Variants in SYNCRIP observed in about 807,000 individuals in gnomAD.
SYNCRIP encodes the protein heterogeneous nuclear ribonucleoprotein Q.
Under a neutral mutation model 68.9 loss-of-function variants are expected in SYNCRIP, and 9 were observed. The ratio of observed to expected loss-of-function variants is 0.13; its 90% CI spans 0.08 to 0.23. SYNCRIP has a LOEUF of 0.23. Ranked by LOEUF, SYNCRIP falls within the 10% of genes least tolerant of loss-of-function variation. SYNCRIP has a pLI of 1.00. For missense variants in SYNCRIP, 414 were observed against 770.6 expected, an observed-to-expected ratio of 0.54 and a Z score of 5.48; for synonymous variants, 258 against 254.0, an observed-to-expected ratio of 1.02 and a Z score of -0.15.
At chr6:85,619,825 G>A (rs1447369556) in intron 8 of SYNCRIP, among the ~76,000 whole-genome samples, 6 of 152,134 alleles carry the variant, frequency 3.9e-5, no homozygotes, top group Non-Finnish European at 7.4e-5. Context: ...ACAGTTTGGC[G>A]ATTTCTTACA....
chr6:85,620,321 C>T (rs1806244851), intron 8 of SYNCRIP, among the ~76,000 whole-genome samples: 1 of 152,130 alleles, frequency 6.6e-6, no homozygotes, highest in African/African-American at 2.4e-5. Flanking sequence ...ACAATTGTGG[C>T]ACATACAGAA....
At chr6:85,623,164 A>C (rs1583268169) in intron 7 of SYNCRIP, among the ~76,000 whole-genome samples, 1 of 152,330 alleles carries the variant, frequency 6.6e-6, no homozygotes, top group South Asian at 2.1e-4. Context: ...ACAGGCTGAT[A>C]ATTTGTTAGA....
At chr6:85,641,781 T>C (rs1583327087) in intron 1 of SYNCRIP, among the ~76,000 whole-genome samples, 1 of 152,186 alleles carries the variant, frequency 6.6e-6, no homozygotes, top group Non-Finnish European at 1.5e-5. Context: ...ATGAGGTGTG[T>C]GTGGAGAAAG....
intron 6 of SYNCRIP, among the ~76,000 whole-genome samples, chr6:85,626,504 A>T (rs1283336269): frequency 1.3e-5 from 2 of 152,198 alleles, no homozygotes; most frequent in Non-Finnish European, 2.9e-5. Flanking sequence ...TAAAATCAGG[A>T]GCTATTAACT....
chr6:85,636,776 G>A (rs1410114876), intron 6 of SYNCRIP, among the ~76,000 whole-genome samples, 191 bp downstream of exon 6: 2 of 152,110 alleles, frequency 1.3e-5, no homozygotes, highest in South Asian at 4.1e-4. Flanking sequence ...CCGCCTTTTA[G>A]ATGCTGAATC....
chr6:85,643,599 C>A (rs1463955526), upstream of SYNCRIP, among the ~76,000 whole-genome samples: 1 of 150,602 alleles, frequency 6.6e-6, no homozygotes, highest in Non-Finnish European at 1.5e-5. Context: ...GGCATCTCCC[C>A]ACCCCGCCCC....
At chr6:85,631,376 G>A (rs1477501909) in intron 6 of SYNCRIP, among the ~76,000 whole-genome samples, 6 of 149,304 alleles carry the variant, frequency 4.0e-5, no homozygotes, top group East Asian at 1.9e-4. Flanking sequence ...TAAAGAAGGC[G>A]AAACATGGCT....
intron 4 of SYNCRIP, 102 bp from the exon 5 acceptor site, chr6:85,637,458 G>A: frequency 1.4e-6 from 1 of 735,810 alleles, no homozygotes; most frequent in South Asian, 1.9e-5. Context: ...AATTATCTTG[G>A]CATGTTCCCT....
At chr6:85,611,349 A>C (rs1162912832), downstream of SYNCRIP, 1 of 152,584 alleles carries the variant, frequency 6.6e-6, no homozygotes, top group African/African-American at 2.4e-5. Context: ...TATTTGCAGG[A>C]ATGCAAAATG....
At position 85,628,116 on chromosome 6, in the gene SYNCRIP, C is replaced by T. The variant is rs542441864; in HGVS notation, c.667-4004G>A. 3.9e-5 allele frequency among the ~76,000 whole-genome samples: 6 copies of T among 152,100 alleles called. No individual in the cohort carries two copies. In the East Asian group the frequency reaches 7.7e-4, roughly 20 times the overall value. On this transcript the variant is annotated intron_variant, in intron 6 of 10. Coordinates refer to ENST00000369622, the MANE Select transcript of SYNCRIP (RefSeq NM_006372.5). Reference sequence around the variant, plus strand: ...TGACACCCAGGATGGAGTACAGTGACGCGACTTCAGCTAACTGCAACCTCC... The same window carrying T: ...TGACACCCAGGATGGAGTACAGTGATGCGACTTCAGCTAACTGCAACCTCC...
rs1020861921 is a variant in SYNCRIP, at chr6:85,614,653, G to A, written c.*103C>T. The A allele has an allele frequency of 1.5e-5, 22 of 1,428,622 alleles. No homozygotes were observed. The highest frequency in any genetic ancestry group is 1.8e-5 in the Non-Finnish European group (20 of 1,089,854). 88.5% of individuals were successfully genotyped at this position (1,428,622 alleles called of 1,614,324 possible). On this transcript the variant is annotated 3_prime_UTR_variant, in exon 11 of 11. Transcript: ENST00000369622. ...GATTGTTAAAATATATACATAAAGG[G>A]AAATCTTGCCAGATGTCACAAATTA...
intron 6 of SYNCRIP, among the ~76,000 whole-genome samples, chr6:85,631,600 C>T (rs1403276252): frequency 6.6e-6 from 1 of 152,090 alleles, no homozygotes; most frequent in East Asian, 1.9e-4. Flanking sequence ...GTAGTAGCAG[C>T]GAAGAAGATA....
rs145776859 is a variant in SYNCRIP, at chr6:85,628,562, A to T, written c.667-4450T>A. ...CAAGAAATACTGACAAGTGTCACTGAAGAGTGACATTCTAACACAATACTG... is the reference window on the plus strand; with the variant it reads ...CAAGAAATACTGACAAGTGTCACTGTAGAGTGACATTCTAACACAATACTG... On this transcript the variant is annotated intron_variant, in intron 6 of 10. Transcript: ENST00000369622. 4.1e-3 allele frequency among the ~76,000 whole-genome samples: 621 copies of T among 152,328 alleles called. 1 individual carries two copies. The highest frequency in any genetic ancestry group is 0.014 in the African/African-American group (564 of 41,570).
At chr6:85,612,739 CG>C (rs1344659927), downstream of SYNCRIP, 3 of 766,302 alleles carry the variant, frequency 3.9e-6, no homozygotes, top group Non-Finnish European at 3.9e-6. Flanking sequence ...TTCAATGTCC[CG>C]TATTTGATTC....
intron 8 of SYNCRIP, among the ~76,000 whole-genome samples, chr6:85,620,975 T>C (rs1021311736): frequency 6.6e-6 from 1 of 152,238 alleles, no homozygotes; most frequent in Non-Finnish European, 1.5e-5. Flanking sequence ...GGACCTGCTT[T>C]TGAAATCTTA....
intron 10 of SYNCRIP, among the ~76,000 whole-genome samples, chr6:85,615,593 T>C (rs187918371): frequency 2.6e-5 from 4 of 152,340 alleles, no homozygotes; most frequent in Admixed American, 2.0e-4. Context: ...CTTCATGATC[T>C]TCAAAATCTC....
downstream of SYNCRIP, among the ~76,000 whole-genome samples, chr6:85,613,276 G>A (rs555232564): frequency 6.6e-6 from 1 of 151,826 alleles, no homozygotes; most frequent in Non-Finnish European, 1.5e-5. Context: ...CCATTTTTGA[G>A]ACATGAAGTA....
chr6:85,623,561 C>CCCAAAAAAAAA (rs1211677646), intron 7 of SYNCRIP, among the ~76,000 whole-genome samples: 2 of 10,768 alleles, frequency 1.9e-4, no homozygotes, highest in Non-Finnish European at 2.8e-4. Context: ...AAGACTGTCT[C>CCCAAAAAAAAA]CAAAAAAAAA....
intron 4 of SYNCRIP, among the ~76,000 whole-genome samples, chr6:85,638,531 G>A (rs1167279406): frequency 6.6e-6 from 1 of 151,882 alleles, no homozygotes; most frequent in Non-Finnish European, 1.5e-5. Context: ...AGGACATTCT[G>A]AAATAAAAAC....
Sources: allele counts gnomAD v4.1 joint callset (sites outside exome capture counted in the v4.1 genomes callset), GRCh38; gene constraint gnomAD v4.1.1; transcripts MANE v1.5; gene names NCBI Gene and HGNC (gene_info 2026-07-23, HGNC 2026-07-21).